Variants in IFT81 observed in about 807,000 individuals in gnomAD.
The protein encoded by IFT81 is intraflagellar transport 81.
Under a neutral mutation model 102.6 loss-of-function variants are expected in IFT81, and 72 were observed. That is an observed-to-expected ratio of 0.70 (90% CI 0.58 to 0.85). The LOEUF (loss-of-function observed/expected upper bound fraction) is 0.85. Ranked by LOEUF, IFT81 falls within the 40% of genes least tolerant of loss-of-function variation. The pLI is 0.00. For synonymous variants in IFT81, 237 were observed against 242.7 expected, an observed-to-expected ratio of 0.98 and a Z score of 0.22; for missense variants, 723 against 787.3, an observed-to-expected ratio of 0.92 and a Z score of 0.98.
At chr12:110,200,509 G>A (rs540674236) in intron 14 of IFT81, among the ~76,000 whole-genome samples, 3 of 152,100 alleles carry the variant, frequency 2.0e-5, no homozygotes, top group Non-Finnish European at 2.9e-5. Flanking sequence ...AAGTTTCTCC[G>A]GTTGAGTCAA....
Position 110,163,056 on chromosome 12 carries a change from G to A in IFT81, c.1179G>A (p.Lys393=), listed in dbSNP as rs773264746. 3.1e-6 allele frequency: 5 copies of A among 1,613,666 alleles called. 1 individual carries two copies. In the South Asian group the frequency reaches 5.5e-5, roughly 18 times the overall value. ...TREFDGTEVL[K]GDEFKRYVNK... ...AATTTGATGGTACTGAAGTTTTAAA[G>A]GGAGATGAGGTAAGCTGAGCCATCT... The change falls in exon 11 of 19, where the codon AAG becomes AAA. Residue 393 remains lysine (K), a synonymous_variant. Transcript: ENST00000242591.
At chr12:110,188,752 A>C (rs112246699) in intron 12 of IFT81, among the ~76,000 whole-genome samples, 1 of 149,192 alleles carries the variant, frequency 6.7e-6, no homozygotes, top group South Asian at 2.1e-4. Context: ...GTGAAACCCT[A>C]TCTCTACTAA....
chr12:110,133,769 C>A (rs576191092), intron 5 of IFT81, among the ~76,000 whole-genome samples: 2 of 152,292 alleles, frequency 1.3e-5, no homozygotes, highest in South Asian at 4.1e-4. Flanking sequence ...CAATTAATGT[C>A]ATTTCATGAC....
At chr12:110,179,172 C>T (rs528915308) in intron 11 of IFT81, among the ~76,000 whole-genome samples, 95 of 152,184 alleles carry the variant, frequency 6.2e-4, no homozygotes, top group African/African-American at 2.2e-3. Context: ...AGTCACAGTA[C>T]ATTTCTTAAG....
At chr12:110,163,850 A>C (rs1051844113) in intron 11 of IFT81, among the ~76,000 whole-genome samples, 1 of 144,642 alleles carries the variant, frequency 6.9e-6, no homozygotes, top group Non-Finnish European at 1.5e-5. Flanking sequence ...TCCTCACCTC[A>C]TGATCTGCCC....
chr12:110,191,717 T>C (rs1400934223), intron 13 of IFT81, among the ~76,000 whole-genome samples: 1 of 152,150 alleles, frequency 6.6e-6, no homozygotes, highest in African/African-American at 2.4e-5. Flanking sequence ...TAGTACACTT[T>C]CACCAGGCAT....
chr12:110,172,243 A>G (rs1036326559), intron 11 of IFT81, among the ~76,000 whole-genome samples: 1 of 152,120 alleles, frequency 6.6e-6, no homozygotes, highest in Non-Finnish European at 1.5e-5. Context: ...CAGCCTGGCC[A>G]ACGTGATGAA....
chr12:110,149,025 A>G (rs1026310937), intron 10 of IFT81, among the ~76,000 whole-genome samples: 8 of 152,184 alleles, frequency 5.3e-5, no homozygotes, highest in African/African-American at 9.6e-5. Context: ...AGTATCCTTA[A>G]TGATGCTCAA....
chr12:110,205,641 A>G lies in IFT81; in HGVS notation c.1763A>G (p.Tyr588Cys). Reference protein sequence around the residue: ...LRRATDEMKAYISSDQQEKRK... With the variant: ...LRRATDEMKACISSDQQEKRK... ...CGTGCTACTGATGAGATGAAGGCATATATCTCTTCTGATCAACAAGAAAAA... is the reference window on the plus strand; with the variant it reads ...CGTGCTACTGATGAGATGAAGGCATGTATCTCTTCTGATCAACAAGAAAAA... Residue 588 changes from tyrosine (Y) to cysteine (C), a missense_variant, in exon 17 of 19, where the codon TAT (tyrosine) becomes TGT (cysteine). Tyr to Cys is a radical substitution (Grantham distance 194). Transcript: ENST00000242591. 1 of 1,600,590 alleles carries G rather than the reference A, an allele frequency of 6.2e-7. No homozygotes were observed. Among genetic ancestry groups the G allele is most frequent in the East Asian group, 2.3e-5 (1 of 44,438 alleles).
chr12:110,213,694 G>C (rs1417624252), intron 18 of IFT81, among the ~76,000 whole-genome samples: 2 of 152,140 alleles, frequency 1.3e-5, no homozygotes, highest in East Asian at 1.9e-4. Flanking sequence ...ATAACTGCTT[G>C]ATTCACTATT....
rs541690350 is a variant in IFT81 at position 110,159,790 on chromosome 12, TCCAGCAAGCTGTGTGCATGCTGCAC to T, written c.1042-3127_1042-3103del. Among the ~76,000 whole-genome samples, 34 of 152,330 alleles carry T rather than the reference TCCAGCAAGCTGTGTGCATGCTGCAC, an allele frequency of 2.2e-4. 1 individual carries two copies. Among genetic ancestry groups the T allele is most frequent in the South Asian group, 2.1e-3 (10 of 4,826 alleles). ...CTAGGTCTTTTCTGTTCACACTTGC[TCCAGCAAGCTGTGTGCATGCTGCAC>T]CAGGAACATGTGTTTGGGGCTGGAG... On this transcript the variant is annotated intron_variant, in intron 10 of 18. Coordinates refer to ENST00000242591, the MANE Select transcript of IFT81 (RefSeq NM_014055.4).
At chr12:110,168,295 T>C (rs1041163972) in intron 11 of IFT81, 2 of 154,268 alleles carry the variant, frequency 1.3e-5, no homozygotes, top group African/African-American at 4.8e-5. Context: ...GAGTCATCAA[T>C]AGTTTGCACA....
chr12:110,189,511 G>A (rs1897695312), intron 12 of IFT81, among the ~76,000 whole-genome samples: 1 of 151,798 alleles, frequency 6.6e-6, no homozygotes, highest in Non-Finnish European at 1.5e-5. Context: ...AACACATCTG[G>A]CTAATTTTTG....
chr12:110,216,289 A>G (rs1412030560), intron 18 of IFT81, among the ~76,000 whole-genome samples: 1 of 149,140 alleles, frequency 6.7e-6, no homozygotes, highest in Non-Finnish European at 1.5e-5. Flanking sequence ...TTCCTGGCTC[A>G]AGTGACCCTT....
rs1321032958 is a variant in IFT81, at chr12:110,205,656, A to C, written c.1778A>C (p.Gln593Pro). Residue 593 changes from glutamine to proline, a missense_variant, in exon 17 of 19, where the codon CAA (glutamine) becomes CCA (proline). Transcript: ENST00000242591. ...DEMKAYISSD[Q>P]QEKRKAIREQ... is the part of the protein sequence containing the mutation. ...ATGAAGGCATATATCTCTTCTGATC[A>C]ACAAGAAAAAAGAAAGGCAATTAGG... The C allele has an allele frequency of 6.3e-7, 1 of 1,590,608 alleles. No individual in the cohort carries two copies. The highest frequency in any genetic ancestry group is 1.2e-5 in the South Asian group (1 of 83,902).
chr12:110,197,248 G>GA (rs1898041459), intron 14 of IFT81, among the ~76,000 whole-genome samples: 56 of 147,156 alleles, frequency 3.8e-4, no homozygotes, highest in East Asian at 1.2e-3. Flanking sequence ...AGGTAGGTAG[G>GA]TAGATAGATA....
chr12:110,203,867 C>T lies in IFT81; in HGVS notation c.1561C>T (p.Leu521=). 2 of 1,609,400 alleles carry T rather than the reference C, an allele frequency of 1.2e-6. No homozygotes were observed. The highest frequency in any genetic ancestry group is 1.7e-6 in the Non-Finnish European group (2 of 1,175,850). ...TCATTTTCCCTTTTTATACTAGGAA[C>T]TGACCCAGGAGTGTGATGAAAAGAA... ...LRQLRQKYQE[L]TQECDEKKSQ... Residue 521 remains leucine (L), a synonymous_variant, in exon 15 of 19, where the codon CTG becomes TTG. Coordinates refer to ENST00000242591, the MANE Select transcript of IFT81 (RefSeq NM_014055.4).
At chr12:110,216,434 A>T (rs983895665) in intron 18 of IFT81, 1 of 447,848 alleles carries the variant, frequency 2.2e-6, no homozygotes, top group African/African-American at 2.0e-5. Flanking sequence ...AGCTCAAGCA[A>T]TCCTCCTGCC....
At chr12:110,185,720 A>G (rs1897499322) in intron 12 of IFT81, among the ~76,000 whole-genome samples, 1 of 151,958 alleles carries the variant, frequency 6.6e-6, no homozygotes, top group Non-Finnish European at 1.5e-5. Flanking sequence ...GATTCTCCCA[A>G]GTACCTGGGA....
Sources: gnomAD v4.1 joint callset for allele counts (sites outside exome capture counted in the v4.1 genomes callset) on GRCh38, gnomAD v4.1.1 for gene constraint, MANE v1.5 for transcripts, NCBI Gene and HGNC (gene_info 2026-07-23, HGNC 2026-07-21) for gene names.